NRG3: variants seen among roughly 807,000 people sequenced by gnomAD.
NRG3 encodes neuregulin 3.
Under a neutral mutation model 66.9 loss-of-function variants are expected in NRG3, and 31 were observed. The observed-to-expected ratio is 0.46, with a 90% CI of 0.35 to 0.63. The LOEUF (loss-of-function observed/expected upper bound fraction) is 0.63, where lower values mean the gene tolerates loss of function less well. NRG3 is among the 20% of genes least tolerant of loss of function. The pLI, the probability that NRG3 is intolerant of heterozygous loss-of-function variation, is 0.00. For missense variants in NRG3, 910 were observed against 878.9 expected (o/e 1.04, Z -0.45); for synonymous variants, 393 against 359.4 (o/e 1.09, Z -1.06).
At chr10:82,264,390 C>T (rs982357547) in intron 1 of NRG3, among the ~76,000 whole-genome samples, 3 of 151,990 alleles carry the variant, frequency 2.0e-5, no homozygotes, top group East Asian at 1.9e-4. Context: ...GAGAACAGCC[C>T]GGGGGAAACT....
At chr10:82,973,475 G>T (rs1286776670) in intron 6 of NRG3, among the ~76,000 whole-genome samples, 1 of 152,108 alleles carries the variant, frequency 6.6e-6, no homozygotes, top group Non-Finnish European at 1.5e-5. Context: ...AAACATACTT[G>T]TAAGTGCCTT....
At chr10:82,959,233 C>T (rs1312463348) in intron 6 of NRG3, among the ~76,000 whole-genome samples, 158 bp downstream of exon 6, 1 of 152,202 alleles carries the variant, frequency 6.6e-6, no homozygotes, top group Admixed American at 6.5e-5. Context: ...CGTATGCACA[C>T]ATGCATGTAT....
At chr10:82,563,641 C>A (rs1454422079) in intron 2 of NRG3, among the ~76,000 whole-genome samples, 1 of 151,896 alleles carries the variant, frequency 6.6e-6, no homozygotes, top group Non-Finnish European at 1.5e-5. Flanking sequence ...TATATCAAAA[C>A]ATCACATATT....
intron 2 of NRG3, among the ~76,000 whole-genome samples, chr10:82,648,308 T>C (rs967619331): frequency 6.6e-6 from 1 of 151,892 alleles, no homozygotes; most frequent in African/African-American, 2.4e-5. Context: ...AAAGATCAGA[T>C]AGTTGTAGAT....
chr10:82,942,152 T>A (rs2208788), intron 4 of NRG3, among the ~76,000 whole-genome samples: 52,038 of 151,850 alleles, frequency 0.34, 9,381 homozygotes, highest in East Asian at 0.66. Context: ...GAATCCTAGG[T>A]CCCTATACCT....
intron 1 of NRG3, among the ~76,000 whole-genome samples, chr10:82,035,443 A>G (rs992628082): frequency 9.2e-5 from 14 of 152,112 alleles, no homozygotes; most frequent in African/African-American, 3.1e-4. Context: ...CTTTAATGAA[A>G]GTAGAAAATT....
intron 1 of NRG3, among the ~76,000 whole-genome samples, chr10:81,917,085 A>G (rs1845784446): frequency 2.0e-5 from 3 of 152,230 alleles, no homozygotes; most frequent in Admixed American, 2.0e-4. Context: ...CAAAATATAA[A>G]TAACTAGTCA....
At chr10:81,930,328 A>C (rs1847218907) in intron 1 of NRG3, among the ~76,000 whole-genome samples, 1 of 152,160 alleles carries the variant, frequency 6.6e-6, no homozygotes, top group Non-Finnish European at 1.5e-5. Context: ...GACGTTCCTG[A>C]AGCTCAAAAA....
intron 2 of NRG3, among the ~76,000 whole-genome samples, chr10:82,503,481 C>G (rs1395771498): frequency 6.6e-6 from 1 of 152,164 alleles, no homozygotes; most frequent in East Asian, 1.9e-4. Context: ...CAGTTTCTGT[C>G]TGCTATGGAC....
chr10:81,987,330 C>G lies in NRG3; in HGVS notation c.823+111167C>G, dbSNP rs191339664. 7.8e-3 allele frequency among the ~76,000 whole-genome samples: 1,196 copies of G among 152,360 alleles called. 15 individuals are homozygous for G. Among genetic ancestry groups the G allele is most frequent in the Non-Finnish European group, 0.012 (842 of 68,040 alleles). ...GAACTCCTGACCTCAGGTGATCCGC[C>G]TGCTTCAGCCTCCCAAAGTTCTGGG... On this transcript the variant is annotated intron_variant, in intron 1 of 8. Coordinates refer to ENST00000372141, the MANE Select transcript of NRG3 (RefSeq NM_001010848.4).
intron 2 of NRG3, among the ~76,000 whole-genome samples, chr10:82,708,655 AT>A (rs1200161062): frequency 1.3e-5 from 2 of 152,050 alleles, no homozygotes; most frequent in Non-Finnish European, 2.9e-5. Flanking sequence ...TATACTTTTT[AT>A]TTCTATGATT....
intron 2 of NRG3, among the ~76,000 whole-genome samples, chr10:82,538,012 T>C (rs1565042786): frequency 1.3e-5 from 2 of 152,130 alleles, no homozygotes; most frequent in Non-Finnish European, 2.9e-5. Context: ...TTCATATAGG[T>C]CACCAGGAAT....
chr10:82,731,776 T>C (rs79285283), intron 2 of NRG3, among the ~76,000 whole-genome samples: 5,422 of 152,270 alleles, frequency 0.036, 347 homozygotes, highest in African/African-American at 0.12. Context: ...TTTATTTCCT[T>C]TGTCTATATA....
At chr10:82,440,323 AT>A (rs2090368732) in intron 2 of NRG3, among the ~76,000 whole-genome samples, 1 of 147,528 alleles carries the variant, frequency 6.8e-6, no homozygotes, top group Non-Finnish European at 1.5e-5. Context: ...TACTTCTCTC[AT>A]TTAAAAAAAA....
chr10:81,885,210 A>C (rs1842523721), intron 1 of NRG3, among the ~76,000 whole-genome samples: 1 of 152,132 alleles, frequency 6.6e-6, no homozygotes. Flanking sequence ...TCCAGTCAAA[A>C]TTGCCTTCTC....
chr10:82,926,435 C>T (rs1847006481), intron 4 of NRG3, among the ~76,000 whole-genome samples: 1 of 152,168 alleles, frequency 6.6e-6, no homozygotes, highest in South Asian at 2.1e-4. Flanking sequence ...GGACTACAAG[C>T]TCCAATTATC....
intron 2 of NRG3, among the ~76,000 whole-genome samples, chr10:82,613,852 A>C (rs894993250): frequency 1.1e-5 from 1 of 92,170 alleles, no homozygotes; most frequent in Non-Finnish European, 2.0e-5. Flanking sequence ...CCCACCCCAC[A>C]ACAGTCCCCA....
At chr10:81,959,220 G>A (rs1413024526) in intron 1 of NRG3, among the ~76,000 whole-genome samples, 1 of 152,194 alleles carries the variant, frequency 6.6e-6, no homozygotes, top group South Asian at 2.1e-4. Context: ...GGCCTGTGTT[G>A]TAGATGTCAG....
chr10:82,543,369 T>C (rs1006503133), intron 2 of NRG3, among the ~76,000 whole-genome samples: 5 of 152,078 alleles, frequency 3.3e-5, no homozygotes, highest in Non-Finnish European at 7.4e-5. Context: ...ACACCTCAAA[T>C]GATTCAGGAA....
Sources: allele counts gnomAD v4.1 joint callset (sites outside exome capture counted in the v4.1 genomes callset), GRCh38; gene constraint gnomAD v4.1.1; transcripts MANE v1.5; gene names NCBI Gene and HGNC (gene_info 2026-07-23, HGNC 2026-07-21).